The following NUP214 variants were observed in gnomAD, a reference collection of about 807,000 sequenced individuals.
NUP214 encodes the protein nuclear pore complex protein Nup214.
A neutral mutation model predicts 196.2 loss-of-function variants in NUP214; 79 were observed. That is an observed-to-expected ratio of 0.40 (90% confidence interval 0.34 to 0.49). The LOEUF is 0.49. Among genes scored for constraint, NUP214 ranks in the 20% least tolerant of loss-of-function variants. The pLI, the probability that NUP214 is intolerant of heterozygous loss-of-function variation, is 0.58. For missense variants in NUP214, 2,468 were observed against 2,539.0 expected, an observed-to-expected ratio of 0.97 and a Z score of 0.60; for synonymous variants, 1,020 against 990.5, an observed-to-expected ratio of 1.03 and a Z score of -0.56.
At chr9:131,187,142 A>G in intron 24 of NUP214, 147 bp from the exon 25 acceptor site, 1 of 615,648 alleles carries the variant, frequency 1.6e-6, no homozygotes, top group Non-Finnish European at 2.9e-6. Context: ...TTCAAAAAAA[A>G]TGTCAAATCA....
At position 131,232,682 on chromosome 9, in the gene NUP214, C is replaced by T. The variant is rs11244330; in HGVS notation, c.6239+374C>T. ...TCACCAGGTCTCATGTGTTGATCCA[C>T]CCTCTGTGCTTCTGTGTAAAATTTC... On this transcript the variant is annotated intron_variant, in intron 35 of 35. Transcript: ENST00000359428. The surrounding 1 kb of genome is among the most constrained non-coding windows in gnomAD (Gnocchi z 5.1). 8,655 of 332,212 alleles carry T rather than the reference C, an allele frequency of 0.026. 161 individuals carry two copies. The highest frequency in any genetic ancestry group is 0.035 in the Non-Finnish European group (6,103 of 175,264). The allele number at this position is 332,212 out of a possible 1,614,324, so 20.6% of individuals were successfully genotyped here.
rs148884063 is a variant in NUP214 at position 131,150,741 on chromosome 9, T to G, written c.2253T>G (p.Leu751=). The G allele has an allele frequency of 9.9e-6, 16 of 1,613,244 alleles. No homozygotes were observed. The African/African-American group carries it at 1.9e-4, about 19-fold the overall frequency. The change falls in exon 16 of 36, where the codon CTT becomes CTG. Residue 751 remains leucine, a synonymous_variant. Transcript: ENST00000359428. Reference sequence around the variant, plus strand: ...AATCAGATGACTTGCATACCTTTCTTTTGGAGATTAAAGAGACCACAGAGG... The same window carrying G: ...AATCAGATGACTTGCATACCTTTCTGTTGGAGATTAAAGAGACCACAGAGG... The part of the protein sequence containing the change: ...RTESDDLHTF[L]LEIKETTESL...
rs1304124869 is a variant in NUP214, at chr9:131,159,295, A to G, written c.2437-88A>G. 4.8e-6 allele frequency: 4 copies of G among 835,246 alleles called. No individual in the cohort carries two copies. The African/African-American group carries it at 5.1e-5, about 11-fold the overall frequency. 51.7% of individuals were successfully genotyped at this position (835,246 alleles called of 1,614,324 possible). On this transcript the variant is annotated intron_variant, in intron 17 of 35. Coordinates refer to ENST00000359428, the MANE Select transcript of NUP214 (RefSeq NM_005085.4). ...TCATTATGGTTCTTAATATAGAAGT[A>G]TTTTAGAATTCTTTTGACTGTTTTG...
chr9:131,157,301 C>CTT (rs1832482404), intron 17 of NUP214, among the ~76,000 whole-genome samples: 1 of 151,896 alleles, frequency 6.6e-6, no homozygotes, highest in Non-Finnish European at 1.5e-5. Flanking sequence ...GCTAGGACTA[C>CTT]AGGCACACGC....
intron 21 of NUP214, among the ~76,000 whole-genome samples, chr9:131,173,775 C>T (rs543323212): frequency 2.4e-4 from 37 of 152,180 alleles, no homozygotes; most frequent in African/African-American, 8.7e-4. Flanking sequence ...CAGGCTTCTA[C>T]TTTGACACCA....
At chr9:131,220,332 CATT>C (rs1167019731) in intron 31 of NUP214, among the ~76,000 whole-genome samples, 4 of 152,296 alleles carry the variant, frequency 2.6e-5, no homozygotes, top group Admixed American at 1.3e-4. Context: ...CCAAGAAACA[CATT>C]GTTGACATTA....
Position 131,195,349 on chromosome 9 carries a change from G to A in NUP214, c.3721+55G>A, listed in dbSNP as rs539818259. 1.4e-4 allele frequency: 201 copies of A among 1,404,612 alleles called. 2 individuals are homozygous for A. The South Asian group carries it at 2.1e-3, about 15-fold the overall frequency. The allele number at this position is 1,404,612 out of a possible 1,614,324, so 87.0% of individuals were successfully genotyped here. ...CATGTGTTTTCTCTAAATAAGTACA[G>A]GTTATTTTTGCCCACATGTTAGTAT... On this transcript the variant is annotated intron_variant, in intron 28 of 35. Transcript: ENST00000359428.
rs1255828841 is a variant in NUP214, at chr9:131,223,376, A to C, written c.5902+446A>C. ...GAGATGAGGTTTCACCATGTTGGGC[A>C]GTCTGGTCTCCATCTCTTGACCTTG... is the stretch of plus-strand genomic sequence containing the variant. On this transcript the variant is annotated intron_variant, in intron 32 of 35. Transcript: ENST00000359428. 2.0e-5 allele frequency among the ~76,000 whole-genome samples: 3 copies of C among 152,104 alleles called. No homozygotes were observed. In the East Asian group the frequency reaches 5.8e-4, roughly 29 times the overall value.
At chr9:131,222,607 G>GA in intron 31 of NUP214, 171 bp from the exon 32 acceptor site, 1 of 623,918 alleles carries the variant, frequency 1.6e-6, no homozygotes, top group South Asian at 3.3e-5. Context: ...CAAGGTGCGT[G>GA]AAAATCAGAG....
At position 131,218,916 on chromosome 9, in the gene NUP214, C is replaced by T. The variant is rs189982311; in HGVS notation, c.5749+3548C>T. ...ATCCCTCCCTCACTTCCTCCAGGTT[C>T]ACTTGGCACCCTGCACCCACCTTCT... On this transcript the variant is annotated intron_variant, in intron 31 of 35. Transcript: ENST00000359428. 2.6e-5 allele frequency among the ~76,000 whole-genome samples: 4 copies of T among 152,222 alleles called. No individual in the cohort carries two copies. The East Asian group carries it at 7.7e-4, about 29-fold the overall frequency.
chr9:131,211,971 A>G lies in NUP214; in HGVS notation c.5593-3241A>G, dbSNP rs534668675. Among the ~76,000 whole-genome samples the G allele has an allele frequency of 5.3e-5, 8 of 152,360 alleles. No individual in the cohort carries two copies. In the South Asian group the frequency reaches 6.2e-4, roughly 12 times the overall value. On this transcript the variant is annotated intron_variant, in intron 30 of 35. Coordinates refer to ENST00000359428, the MANE Select transcript of NUP214 (RefSeq NM_005085.4). ...CTGAGGGGCTGGACAGAACAGAGTC[A>G]TATTTCTCTTCTTACAAAACCGAAT...
intron 26 of NUP214, among the ~76,000 whole-genome samples, chr9:131,189,346 T>C (rs1018517838): frequency 1.3e-5 from 2 of 152,214 alleles, no homozygotes; most frequent in Non-Finnish European, 2.9e-5. Flanking sequence ...CTTCAATGGC[T>C]ATGTAGACTT....
chr9:131,223,727 A>ATTTTTTTTTTTTT, intron 32 of NUP214, among the ~76,000 whole-genome samples: 13 of 15,658 alleles, frequency 8.3e-4, no homozygotes, highest in Non-Finnish European at 8.6e-4. Context: ...TTATTTATTT[A>ATTTTTTTTTTTTT]TTTTTTTTTT....
In NUP214 at chr9:131,125,594, C is replaced by T. The variant is rs568484939; in HGVS notation, c.-111C>T. On this transcript the variant is annotated 5_prime_UTR_variant, in exon 1 of 36. Transcript: ENST00000359428. This position sits in a 1 kb window ranked among gnomAD's most constrained non-coding sequence, Gnocchi z 4.1. Reference sequence around the variant, plus strand: ...AAGCGCGCCGGAAATGCGAGGTCAACTGCGCGCCGCTGGCGCTGAGGGGAG... The same window carrying T: ...AAGCGCGCCGGAAATGCGAGGTCAATTGCGCGCCGCTGGCGCTGAGGGGAG... 4 of 1,548,192 alleles carry T rather than the reference C, an allele frequency of 2.6e-6. No individual in the cohort carries two copies. The highest frequency in any genetic ancestry group is 1.2e-5 in the South Asian group (1 of 83,766).
At chr9:131,233,369 C>G (rs1834930417) in intron 35 of NUP214, 85 bp from the exon 36 acceptor site, 2 of 1,398,626 alleles carry the variant, frequency 1.4e-6, no homozygotes, top group Middle Eastern at 2.5e-4. Flanking sequence ...GAGTCCTGAC[C>G]TTTGCACACA....
chr9:131,156,938 A>C (rs1297482827), intron 17 of NUP214, among the ~76,000 whole-genome samples: 1 of 152,172 alleles, frequency 6.6e-6, no homozygotes, highest in Admixed American at 6.5e-5. Context: ...CTCCATTTGT[A>C]GACATACTTA....
Position 131,157,140 on chromosome 9 carries a change from GTT to G in NUP214, c.2437-2233_2437-2232del, listed in dbSNP as rs35205694. Among the ~76,000 whole-genome samples the G allele has an allele frequency of 2.4e-3, 349 of 147,594 alleles. 5 individuals carry two copies. The highest frequency in any genetic ancestry group is 8.4e-3 in the African/African-American group (335 of 40,036). ...AGTGTACGCTACCACGTTTAGCTCTGTTTTTTTTTTTGTTTTGTTTTGTTTTT... is the reference window on the plus strand; with the variant it reads ...AGTGTACGCTACCACGTTTAGCTCTGTTTTTTTTTGTTTTGTTTTGTTTTT... On this transcript the variant is annotated intron_variant, in intron 17 of 35. Transcript: ENST00000359428.
intron 29 of NUP214, among the ~76,000 whole-genome samples, chr9:131,199,960 A>G (rs1285746818): frequency 4.6e-5 from 7 of 152,182 alleles, no homozygotes; most frequent in Non-Finnish European, 7.4e-5. Flanking sequence ...GACCTACCCA[A>G]TGCCCTGTGA....
At chr9:131,147,696 T>C (rs1478371169) in intron 14 of NUP214, 112 bp downstream of exon 14, 4 of 809,492 alleles carry the variant, frequency 4.9e-6, no homozygotes, top group Non-Finnish European at 8.2e-6. Flanking sequence ...GACATAGTAA[T>C]TGGGACTATG....
Sources: gnomAD v4.1 joint callset for allele counts (sites outside exome capture counted in the v4.1 genomes callset) on GRCh38, gnomAD v4.1.1 for gene constraint, Gnocchi (gnomAD v3.1) non-coding constraint, MANE v1.5 for transcripts, NCBI Gene and HGNC (gene_info 2026-07-23, HGNC 2026-07-21) for gene names.